CMKLR2: variants seen among roughly 807,000 people sequenced by gnomAD.
The protein encoded by CMKLR2 is chemerin-like receptor 2.
A neutral mutation model predicts 23.0 loss-of-function variants in CMKLR2; 18 were observed. That is an observed-to-expected ratio of 0.78 (90% confidence interval 0.54 to 1.16). The LOEUF (loss-of-function observed/expected upper bound fraction) is 1.16, where lower values mean the gene tolerates loss of function less well. Ranked by LOEUF, CMKLR2 falls within the 50% of genes most tolerant of loss-of-function variation. The pLI, the probability that CMKLR2 is intolerant of heterozygous loss-of-function variation, is 0.00. For synonymous variants in CMKLR2, 158 were observed against 158.9 expected (o/e 0.99, Z 0.05); for missense variants, 401 against 412.7 (o/e 0.97, Z 0.25).
At chr2:206,186,139 T>G (rs1688572136) in intron 1 of CMKLR2, among the ~76,000 whole-genome samples, 1 of 142,258 alleles carries the variant, frequency 7.0e-6, no homozygotes. Context: ...TTTGATGGAG[T>G]CTCACACTGT....
intron 1 of CMKLR2, among the ~76,000 whole-genome samples, chr2:206,200,028 A>G (rs1318924932): frequency 1.3e-5 from 2 of 152,186 alleles, no homozygotes; most frequent in Non-Finnish European, 2.9e-5. Flanking sequence ...AGTCATTTTA[A>G]TTTACTTAAT....
rs1350336301 is a variant in CMKLR2, at chr2:206,176,777, G to A, written c.471C>T (p.Val157=). ...AAGCCAAAAGCCAGATGAATATAAT[G>A]ACAATCAGAGAGTTCTTGAGGGTTC... ...RHRTLKNSLI[V]IIFIWLLASL... Residue 157 remains valine (V), a synonymous_variant, in exon 2 of 2, where the codon GTC becomes GTT. Transcript: ENST00000621141. 1 of 1,613,996 alleles carries A rather than the reference G, an allele frequency of 6.2e-7. No individual in the cohort carries two copies. The highest frequency in any genetic ancestry group is 8.5e-7 in the Non-Finnish European group (1 of 1,180,006).
intron 1 of CMKLR2, among the ~76,000 whole-genome samples, chr2:206,205,719 G>T (rs749593844): frequency 2.0e-5 from 3 of 151,404 alleles, no homozygotes. Flanking sequence ...TTATTTTTGA[G>T]ATGGAGTTTC....
chr2:206,182,014 A>T (rs1423368598), intron 1 of CMKLR2, among the ~76,000 whole-genome samples: 1 of 151,794 alleles, frequency 6.6e-6, no homozygotes, highest in African/African-American at 2.4e-5. Flanking sequence ...CTAGCCATTA[A>T]GTGGAAGTGG....
intron 1 of CMKLR2, among the ~76,000 whole-genome samples, chr2:206,193,248 G>A (rs1294808013): frequency 2.0e-5 from 3 of 152,086 alleles, no homozygotes; most frequent in South Asian, 2.1e-4. Context: ...ACAGGTATCC[G>A]CCACCATGCC....
Position 206,176,580 on chromosome 2 carries a change from C to T in CMKLR2, c.668G>A (p.Ser223Asn), listed in dbSNP as rs1380759764. The stretch of plus-strand genomic sequence containing the variant: ...GAAGATGAGACACAAGTAGCAAATA[C>T]TCATTGTTAGCAAAGGGAAGAGATA... ...IGYLFPLLTM[S>N]ICYLCLIFKV... The change falls in exon 2 of 2, where the codon AGT (serine) becomes AAT (asparagine). Residue 223 changes from serine (S) to asparagine (N), a missense_variant. Physicochemically the swap from Ser to Asn is conservative, Grantham distance 46 (BLOSUM62 1). Transcript: ENST00000621141. 6.2e-7 allele frequency: 1 copy of T among 1,614,054 alleles called. No individual in the cohort carries two copies. The highest frequency in any genetic ancestry group is 1.3e-5 in the African/African-American group (1 of 74,930).
intron 1 of CMKLR2, among the ~76,000 whole-genome samples, chr2:206,188,987 G>C (rs11681549): frequency 0.067 from 10,243 of 152,232 alleles, 467 homozygotes; most frequent in East Asian, 0.19. Context: ...ATGAGGTTTG[G>C]CTATAGAGGG....
chr2:206,217,162 A>G (rs1201057041), upstream of CMKLR2, among the ~76,000 whole-genome samples: 1 of 152,228 alleles, frequency 6.6e-6, no homozygotes, highest in Admixed American at 6.5e-5. Flanking sequence ...TCTTACAAAG[A>G]AGCTGATTTA....
intron 1 of CMKLR2, among the ~76,000 whole-genome samples, chr2:206,202,986 C>T (rs1689156423): frequency 6.6e-6 from 1 of 151,910 alleles, no homozygotes; most frequent in Non-Finnish European, 1.5e-5. Flanking sequence ...CCTGTTTTGG[C>T]CCCCTTTGTA....
chr2:206,190,212 T>G (rs1688706715), intron 1 of CMKLR2, among the ~76,000 whole-genome samples: 1 of 152,216 alleles, frequency 6.6e-6, no homozygotes, highest in African/African-American at 2.4e-5. Flanking sequence ...TATTCTTTGG[T>G]GTATTAGGAA....
chr2:206,190,127 A>G (rs532600599), intron 1 of CMKLR2, among the ~76,000 whole-genome samples: 4 of 152,156 alleles, frequency 2.6e-5, no homozygotes, highest in Non-Finnish European at 5.9e-5. Context: ...TTATCCTGTA[A>G]TAGAGATGCA....
chr2:206,200,195 G>A (rs1343074228), intron 1 of CMKLR2, among the ~76,000 whole-genome samples: 3 of 151,946 alleles, frequency 2.0e-5, no homozygotes, highest in South Asian at 4.2e-4. Flanking sequence ...AGGCTGAGGC[G>A]GGCGGATCAC....
chr2:206,203,853 C>G (rs1689206231), intron 1 of CMKLR2: 1 of 152,162 alleles, frequency 6.6e-6, no homozygotes, highest in Non-Finnish European at 1.5e-5. Context: ...TTTTTCTCAG[C>G]CCAGCATAGA....
Position 206,176,697 on chromosome 2 carries a change from T to C in CMKLR2, c.551A>G (p.His184Arg). ...YFRDTVEFNN[H>R]TLCYNNFQKH... ...CTGAAAATTGTTATAGCAAAGAGTA[T>C]GATTATTGAACTCCACAGTGTCCCG... is the stretch of plus-strand genomic sequence containing the variant. The change falls in exon 2 of 2, where the codon CAT becomes CGT. Residue 184 changes from histidine (H) to arginine (R), a missense_variant. Physicochemically the swap from His to Arg is conservative, Grantham distance 29. Coordinates refer to ENST00000621141, the MANE Select transcript of CMKLR2 (RefSeq NM_001389445.1). 8 of 1,614,128 alleles carry C rather than the reference T, an allele frequency of 5.0e-6. No homozygotes were observed. Among genetic ancestry groups the C allele is most frequent in the Non-Finnish European group, 6.8e-6 (8 of 1,180,018 alleles).
intron 1 of CMKLR2, among the ~76,000 whole-genome samples, chr2:206,184,923 A>G (rs1440844617): frequency 6.6e-6 from 1 of 152,236 alleles, no homozygotes; most frequent in Non-Finnish European, 1.5e-5. Flanking sequence ...AAAAGATGGT[A>G]AGTACTACAG....
At chr2:206,188,332 T>G (rs968508713) in intron 1 of CMKLR2, among the ~76,000 whole-genome samples, 5 of 152,234 alleles carry the variant, frequency 3.3e-5, no homozygotes, top group Non-Finnish European at 7.3e-5. Context: ...GAGATGTCCA[T>G]GTAGTTTTCT....
intron 1 of CMKLR2, among the ~76,000 whole-genome samples, chr2:206,211,958 T>C (rs1689583956): frequency 6.6e-6 from 1 of 150,868 alleles, no homozygotes; most frequent in African/African-American, 2.4e-5. Context: ...TCTACATACA[T>C]AAAATTAAAT....
At chr2:206,197,656 C>G (rs1688962675) in intron 1 of CMKLR2, among the ~76,000 whole-genome samples, 1 of 152,076 alleles carries the variant, frequency 6.6e-6, no homozygotes, top group Admixed American at 6.6e-5. Flanking sequence ...TGAGTTTCCC[C>G]TTTACTCTTC....
In CMKLR2 at chr2:206,176,215, T is replaced by C; in HGVS notation, c.1033A>G (p.Thr345Ala). Residue 345 changes from threonine (T) to alanine (A), a missense_variant, in exon 2 of 2, where the codon ACC (threonine) becomes GCC (alanine). Physicochemically the swap from Thr to Ala is moderately conservative, Grantham distance 58. Coordinates refer to ENST00000621141, the MANE Select transcript of CMKLR2 (RefSeq NM_001389445.1). The part of the protein sequence containing the change: ...TVSEQLRNSE[T>A]KNLCLLETAQ ...GTTTCCAGGAGACACAGATTCTTGGTTTCTGAGTTCCTGAGCTGTTCACTC... is the reference window on the plus strand; with the variant it reads ...GTTTCCAGGAGACACAGATTCTTGGCTTCTGAGTTCCTGAGCTGTTCACTC... The C allele has an allele frequency of 6.2e-7, 1 of 1,612,796 alleles. No individual in the cohort carries two copies. Among genetic ancestry groups the C allele is most frequent in the Non-Finnish European group, 8.5e-7 (1 of 1,179,370 alleles).
Sources: allele counts gnomAD v4.1 joint callset (sites outside exome capture counted in the v4.1 genomes callset), GRCh38; gene constraint gnomAD v4.1.1; transcripts MANE v1.5; gene names NCBI Gene and HGNC (gene_info 2026-07-23, HGNC 2026-07-21).